The following CAPZB variants were observed in gnomAD, a reference collection of about 807,000 sequenced individuals.
CAPZB encodes the protein F-actin-capping protein subunit beta.
CAPZB carries 2 observed loss-of-function variants against 38.1 expected under a neutral mutation model. The ratio of observed to expected loss-of-function variants is 0.05; its 90% CI spans 0.02 to 0.17. The LOEUF is 0.17. CAPZB is among the 10% of genes least tolerant of loss of function. The pLI is 1.00. For missense variants in CAPZB, 161 were observed against 334.2 expected (o/e 0.48, Z 4.04); for synonymous variants, 107 against 127.4 (o/e 0.84, Z 1.08).
intron 1 of CAPZB, among the ~76,000 whole-genome samples, chr1:19,480,486 C>T (rs866389103): frequency 7.9e-5 from 12 of 152,244 alleles, no homozygotes; most frequent in Admixed American, 2.6e-4. Context: ...CGCCTCTCAG[C>T]TCTCACTCAG....
intron 8 of CAPZB, chr1:19,342,758 C>A: frequency 6.2e-7 from 1 of 1,604,238 alleles, no homozygotes; most frequent in Non-Finnish European, 8.5e-7. Context: ...GTACCTGGAT[C>A]GGCTTAATTA....
chr1:19,351,430 C>G (rs1284396283), intron 6 of CAPZB, among the ~76,000 whole-genome samples: 1 of 152,128 alleles, frequency 6.6e-6, no homozygotes, highest in Non-Finnish European at 1.5e-5. Flanking sequence ...ATCTCAGACT[C>G]CCAAGAAGCT....
chr1:19,422,290 G>A (rs536268572), intron 1 of CAPZB, among the ~76,000 whole-genome samples: 3 of 152,062 alleles, frequency 2.0e-5, no homozygotes, highest in Admixed American at 1.3e-4. Flanking sequence ...ATCCCAAAAC[G>A]CGATACACAG....
intron 1 of CAPZB, among the ~76,000 whole-genome samples, chr1:19,471,132 A>G (rs1341989058): frequency 6.6e-6 from 1 of 152,248 alleles, no homozygotes; most frequent in African/African-American, 2.4e-5. Context: ...AACTGATAAC[A>G]TCGAACAATT....
chr1:19,449,198 A>G, intron 1 of CAPZB: 1 of 1,184,076 alleles, frequency 8.4e-7, no homozygotes, highest in South Asian at 3.0e-5. Context: ...GCAGGCCTGA[A>G]AGGTCATGCT....
At chr1:19,416,006 G>A (rs1214393109) in intron 2 of CAPZB, among the ~76,000 whole-genome samples, 1 of 152,226 alleles carries the variant, frequency 6.6e-6, no homozygotes, top group Non-Finnish European at 1.5e-5. Flanking sequence ...CTGGCCTCTT[G>A]TTCAGCCTCT....
intron 1 of CAPZB, among the ~76,000 whole-genome samples, chr1:19,460,264 G>C (rs1313630560): frequency 2.0e-5 from 3 of 152,156 alleles, no homozygotes; most frequent in Admixed American, 2.0e-4. Context: ...GACATGAACA[G>C]TATTGGTTTT....
chr1:19,424,783 G>A (rs1480327638), intron 1 of CAPZB: 1 of 152,252 alleles, frequency 6.6e-6, no homozygotes, highest in Non-Finnish European at 1.5e-5. Flanking sequence ...TGCGAGAGCA[G>A]ACATGCCTAA....
intron 1 of CAPZB, among the ~76,000 whole-genome samples, chr1:19,446,776 A>T (rs2094497397): frequency 1.3e-5 from 2 of 152,240 alleles, no homozygotes; most frequent in Admixed American, 1.3e-4. Flanking sequence ...GTGAGTAAAA[A>T]AATGCCCAAA....
chr1:19,430,952 G>A (rs905704950), intron 1 of CAPZB, among the ~76,000 whole-genome samples: 5 of 152,172 alleles, frequency 3.3e-5, no homozygotes, highest in African/African-American at 9.7e-5. Context: ...CCAACTGAGT[G>A]AGCTGGAGCA....
chr1:19,460,842 G>A (rs1312416245), intron 1 of CAPZB, among the ~76,000 whole-genome samples: 1 of 152,008 alleles, frequency 6.6e-6, no homozygotes, highest in African/African-American at 2.4e-5. Flanking sequence ...AACACCCACC[G>A]ACACATGATG....
intron 8 of CAPZB, 133 bp from the exon 9 acceptor site, chr1:19,339,750 C>G: frequency 1.4e-6 from 1 of 740,352 alleles, no homozygotes; most frequent in East Asian, 2.5e-5. Context: ...CTCTGGGTCA[C>G]TGGGCTGGGC....
chr1:19,394,418 C>T (rs1283403565), intron 2 of CAPZB, among the ~76,000 whole-genome samples: 1 of 151,896 alleles, frequency 6.6e-6, no homozygotes, highest in Admixed American at 6.6e-5. Context: ...CCAATTTTGG[C>T]AACATTAAAA....
At chr1:19,341,698 TAA>T (rs372853846) in intron 8 of CAPZB, among the ~76,000 whole-genome samples, 9 of 152,216 alleles carry the variant, frequency 5.9e-5, no homozygotes, top group African/African-American at 1.7e-4. Context: ...CGGTGTATCT[TAA>T]AAAGAGTTTT....
intron 1 of CAPZB, among the ~76,000 whole-genome samples, chr1:19,449,823 G>C (rs2094508686): frequency 6.7e-6 from 1 of 149,178 alleles, no homozygotes; most frequent in African/African-American, 2.5e-5. Flanking sequence ...GAGAAAGAAA[G>C]AAAGAGAGCG....
chr1:19,480,664 G>A (rs1002782592), intron 1 of CAPZB, among the ~76,000 whole-genome samples: 1 of 152,302 alleles, frequency 6.6e-6, no homozygotes, highest in African/African-American at 2.4e-5. Flanking sequence ...CCAGTCACAG[G>A]GGGTTCCACT....
intron 4 of CAPZB, among the ~76,000 whole-genome samples, chr1:19,376,881 C>T (rs1364863901): frequency 6.6e-6 from 1 of 152,166 alleles, no homozygotes; most frequent in African/African-American, 2.4e-5. Context: ...ATCCCAGTTC[C>T]ACCACTTACT....
chr1:19,358,684 G>A (rs1018173779), intron 4 of CAPZB, among the ~76,000 whole-genome samples: 1 of 152,236 alleles, frequency 6.6e-6, no homozygotes, highest in Non-Finnish European at 1.5e-5. Context: ...TTCTTGTGGC[G>A]AAAGTCTGTA....
chr1:19,460,972 C>A (rs777404053), intron 1 of CAPZB, among the ~76,000 whole-genome samples: 3 of 152,126 alleles, frequency 2.0e-5, no homozygotes, highest in African/African-American at 7.2e-5. Context: ...CAAAACCAAC[C>A]CAGGAGCTGA....
Sources: gnomAD v4.1 joint callset for allele counts (sites outside exome capture counted in the v4.1 genomes callset) on GRCh38, gnomAD v4.1.1 for gene constraint, MANE v1.5 for transcripts, NCBI Gene and HGNC (gene_info 2026-07-23, HGNC 2026-07-21) for gene names.